IGDCC4: variants seen among roughly 807,000 people sequenced by gnomAD.
IGDCC4 encodes the protein immunoglobulin superfamily DCC subclass member 4.
A neutral mutation model predicts 116.6 loss-of-function variants in IGDCC4; 72 were observed. That is an observed-to-expected ratio of 0.62 (90% CI 0.51 to 0.75). The LOEUF (loss-of-function observed/expected upper bound fraction) is 0.75, where lower values mean the gene tolerates loss of function less well. Among genes scored for constraint, IGDCC4 ranks in the 30% least tolerant of loss-of-function variants. The probability of loss-of-function intolerance (pLI) is 0.00; values close to 1 mark genes in which losing one functional copy is unlikely to be tolerated. For missense variants in IGDCC4, 1,501 were observed against 1,662.4 expected (o/e 0.90, Z 1.69); for synonymous variants, 709 against 719.9 (o/e 0.98, Z 0.24).
In IGDCC4 at chr15:65,386,078, A is replaced by T; in HGVS notation, c.2952-19T>A. The T allele has an allele frequency of 7.0e-7, 1 of 1,435,918 alleles. No individual in the cohort carries two copies. The allele number at this position is 1,435,918 out of a possible 1,614,324, so 88.9% of individuals were successfully genotyped here. A position where few individuals can be genotyped will look rare whatever the true frequency, so the allele number is the denominator to read the frequency against. ...GGATTCCCTGGAAGGGAAGACGGAA[A>T]ACAAGGCATAGCGGTCAGAGTAAGG... On this transcript the variant is annotated intron_variant, in intron 17 of 19. Coordinates refer to ENST00000352385, the MANE Select transcript of IGDCC4 (RefSeq NM_020962.3).
intron 1 of IGDCC4, among the ~76,000 whole-genome samples, chr15:65,419,879 T>G (rs1337898884): frequency 6.6e-6 from 1 of 152,208 alleles, no homozygotes; most frequent in African/African-American, 2.4e-5. Flanking sequence ...TGGGAGGAGA[T>G]GGGCAGGCAC....
At chr15:65,421,724 A>C in intron 1 of IGDCC4, among the ~76,000 whole-genome samples, 1 of 94,826 alleles carries the variant, frequency 1.1e-5, no homozygotes, top group Non-Finnish European at 2.2e-5. Context: ...ACACATCCTC[A>C]GCTCCCCCCT....
Position 65,391,971 on chromosome 15 carries a change from C to A in IGDCC4, c.2133G>T (p.Arg711=). Residue 711 remains arginine (R), a synonymous_variant, in exon 12 of 20, where the codon CGG becomes CGT. Transcript: ENST00000352385. ...AAGCCACGAGCTTCACCTCGTACAG[C>A]CGGCCAGGGACTGGGGAAGGTTACA... ...QYELTQLVPG[R]LYEVKLVAFN... 6.2e-7 allele frequency: 1 copy of A among 1,610,508 alleles called. No individual in the cohort carries two copies. The highest frequency in any genetic ancestry group is 1.1e-5 in the South Asian group (1 of 90,496).
At chr15:65,386,975 C>T (rs1405235673) in intron 16 of IGDCC4, among the ~76,000 whole-genome samples, 1 of 152,192 alleles carries the variant, frequency 6.6e-6, no homozygotes, top group East Asian at 1.9e-4. Flanking sequence ...AGACCCCATG[C>T]TTGGATGGAC....
chr15:65,401,318 C>T (rs748039645), intron 4 of IGDCC4, among the ~76,000 whole-genome samples: 16 of 152,204 alleles, frequency 1.1e-4, no homozygotes, highest in Non-Finnish European at 5.9e-5. Flanking sequence ...CTGCCATTAA[C>T]GCACTGGGTG....
In IGDCC4 at chr15:65,391,089, C is replaced by T. The variant is rs1266995873; in HGVS notation, c.2225-751G>A. 1.2e-4 allele frequency among the ~76,000 whole-genome samples: 18 copies of T among 152,196 alleles called. No homozygotes were observed. In the East Asian group the frequency reaches 3.3e-3, roughly 28 times the overall value. ...CTCTACTAAAAATACAAAAATTAGC[C>T]AGGTATGGTGCACACCTGTAATCCC... is the stretch of plus-strand genomic sequence containing the variant. On this transcript the variant is annotated intron_variant, in intron 12 of 19. Coordinates refer to ENST00000352385, the MANE Select transcript of IGDCC4 (RefSeq NM_020962.3).
rs897561766 is a variant in IGDCC4 at position 65,382,048 on chromosome 15, A to G, written c.*1961T>C. 2 of 152,538 alleles carry G rather than the reference A, an allele frequency of 1.3e-5. No homozygotes were observed. The highest frequency in any genetic ancestry group is 4.8e-5 in the African/African-American group (2 of 41,432). 9.4% of individuals were successfully genotyped at this position (152,538 alleles called of 1,614,324 possible). A position where few individuals can be genotyped will look rare whatever the true frequency, so the allele number is the denominator to read the frequency against. ...CTATGTGGTATAATGCTAAGAGCCTACTGTTAAAACAGCCATTTAATTCAG... is the reference window on the plus strand; with the variant it reads ...CTATGTGGTATAATGCTAAGAGCCTGCTGTTAAAACAGCCATTTAATTCAG... On this transcript the variant is annotated 3_prime_UTR_variant, in exon 20 of 20. Coordinates refer to ENST00000352385, the MANE Select transcript of IGDCC4 (RefSeq NM_020962.3).
At chr15:65,415,371 G>A (rs546274471) in intron 1 of IGDCC4, among the ~76,000 whole-genome samples, 30 of 152,346 alleles carry the variant, frequency 2.0e-4, no homozygotes, top group African/African-American at 6.5e-4. Context: ...CAGGACGGCC[G>A]CCAGAGGGGC....
intron 3 of IGDCC4, among the ~76,000 whole-genome samples, chr15:65,402,941 C>T (rs997059768): frequency 3.3e-5 from 5 of 152,174 alleles, no homozygotes; most frequent in Non-Finnish European, 7.3e-5. Flanking sequence ...CTTAATAACA[C>T]TCCGTGTGGA....
intron 8 of IGDCC4, 54 bp downstream of exon 8, chr15:65,395,040 C>G: frequency 6.5e-7 from 1 of 1,550,360 alleles, no homozygotes; most frequent in East Asian, 2.3e-5. Context: ...GAGCTCCCCT[C>G]CCCAGGGAAT....
Position 65,393,508 on chromosome 15 carries a change from G to A in IGDCC4, c.1738C>T (p.Arg580Ter), listed in dbSNP as rs138576438. 2.5e-6 allele frequency: 4 copies of A among 1,603,860 alleles called. No homozygotes were observed. Among genetic ancestry groups the A allele is most frequent in the South Asian group, 2.2e-5 (2 of 89,058 alleles). The change falls in exon 10 of 20, where the codon CGA (arginine) becomes TGA (stop). Residue 580 changes from arginine to a stop codon, truncating the protein, a stop_gained. Transcript: ENST00000352385. LOFTEE classifies it high-confidence loss of function. The surrounding 1 kb of genome is among the most constrained non-coding windows in gnomAD (Gnocchi z 4.6). ...AGCATAAGCTGTGTCTCATTTCCTC[G>A]CACCTCAGTAGAGAAAATCTGATCT... ...KEDQIFSTEV[R>*]GNETQLMLNS...
rs114802221 is a variant in IGDCC4 at position 65,385,710 on chromosome 15, C to G, written c.3180+121G>C. 1.6e-4 allele frequency: 136 copies of G among 839,012 alleles called. No individual in the cohort carries two copies. The African/African-American group carries it at 2.1e-3, about 13-fold the overall frequency. The allele number at this position is 839,012 out of a possible 1,614,324, so 52.0% of individuals were successfully genotyped here. A position where few individuals can be genotyped will look rare whatever the true frequency, so the allele number is the denominator to read the frequency against. On this transcript the variant is annotated intron_variant, in intron 18 of 19. Coordinates refer to ENST00000352385, the MANE Select transcript of IGDCC4 (RefSeq NM_020962.3). ...ATTCCGTGGAGGAGGGAGAGAGGCCCTAGCGTCCGCAGCCGGCTCCGAAGA... is the reference window on the plus strand; with the variant it reads ...ATTCCGTGGAGGAGGGAGAGAGGCCGTAGCGTCCGCAGCCGGCTCCGAAGA...
chr15:65,395,746 G>A lies in IGDCC4; in HGVS notation c.1411+4C>T, dbSNP rs372081745. 257 of 1,435,918 alleles carry A rather than the reference G, an allele frequency of 1.8e-4. No homozygotes were observed. In the African/African-American group the frequency reaches 3.1e-3, roughly 17 times the overall value. 88.9% of individuals were successfully genotyped at this position (1,435,918 alleles called of 1,614,324 possible). ...CTGGTGCATCCCGCCCCAGGCCGAC[G>A]TACCCCGTGCCTTCTGGTAGTGGAG... On this transcript the variant is annotated splice_donor_region_variant and intron_variant, in intron 7 of 19. Coordinates refer to ENST00000352385, the MANE Select transcript of IGDCC4 (RefSeq NM_020962.3).
At chr15:65,386,335 G>A (rs2091458124) in intron 17 of IGDCC4, among the ~76,000 whole-genome samples, 1 of 152,230 alleles carries the variant, frequency 6.6e-6, no homozygotes, top group Non-Finnish European at 1.5e-5. Context: ...AGGCAGTTCT[G>A]TTGGCCTTGC....
intron 4 of IGDCC4, among the ~76,000 whole-genome samples, chr15:65,401,590 G>A (rs2062986906): frequency 6.9e-6 from 1 of 144,766 alleles, no homozygotes; most frequent in African/African-American, 2.4e-5. Flanking sequence ...GGATGGGGAC[G>A]GGGTGGGAGT....
At chr15:65,398,769 T>C (rs543924916) in intron 5 of IGDCC4, among the ~76,000 whole-genome samples, 70 of 152,044 alleles carry the variant, frequency 4.6e-4, no homozygotes, top group African/African-American at 1.5e-3. Flanking sequence ...CGGGTGCCTG[T>C]AGTCCCAGCT....
rs977458310 is a variant in IGDCC4, at chr15:65,382,128, A to G, written c.*1881T>C. 5 of 152,356 alleles carry G rather than the reference A, an allele frequency of 3.3e-5. No individual in the cohort carries two copies. The highest frequency in any genetic ancestry group is 1.2e-4 in the African/African-American group (5 of 41,376). The allele number at this position is 152,356 out of a possible 1,614,324, so 9.4% of individuals were successfully genotyped here. On this transcript the variant is annotated 3_prime_UTR_variant, in exon 20 of 20. Transcript: ENST00000352385. ...AAAATCAAACCAGCAAAATAAAATG[A>G]GGCTTTTGACCTTCAGAGCAATGAT... is the stretch of plus-strand genomic sequence containing the variant.
At chr15:65,419,220 ATGCTT>A (rs1162689835) in intron 1 of IGDCC4, among the ~76,000 whole-genome samples, 2 of 134,180 alleles carry the variant, frequency 1.5e-5, no homozygotes, top group African/African-American at 5.7e-5. Context: ...CATGACCGCC[ATGCTT>A]TTTTTTTTTT....
chr15:65,391,990 G>C lies in IGDCC4; in HGVS notation c.2123-9C>G. The C allele has an allele frequency of 1.9e-6, 3 of 1,604,916 alleles. No homozygotes were observed. The highest frequency in any genetic ancestry group is 2.6e-6 in the Non-Finnish European group (3 of 1,175,322). On this transcript the variant is annotated splice_polypyrimidine_tract_variant and intron_variant, in intron 11 of 19. Coordinates refer to ENST00000352385, the MANE Select transcript of IGDCC4 (RefSeq NM_020962.3). ...GTACAGCCGGCCAGGGACTGGGGAA[G>C]GTTACAGGGCTTAATGGCTAGGGGG...
Sources: gnomAD v4.1 joint callset for allele counts (sites outside exome capture counted in the v4.1 genomes callset) on GRCh38, gnomAD v4.1.1 for gene constraint, Gnocchi (gnomAD v3.1) non-coding constraint, MANE v1.5 for transcripts, NCBI Gene and HGNC (gene_info 2026-07-23, HGNC 2026-07-21) for gene names.